The following PRKG1 variants were observed in gnomAD, a reference collection of about 807,000 sequenced individuals.
The protein encoded by PRKG1 is cGMP-dependent protein kinase 1.
Under a neutral mutation model 88.1 loss-of-function variants are expected in PRKG1, and 35 were observed. The observed-to-expected ratio is 0.40, with a 90% confidence interval of 0.30 to 0.53. The LOEUF (loss-of-function observed/expected upper bound fraction) is 0.53, where lower values mean the gene tolerates loss of function less well. Among genes scored for constraint, PRKG1 ranks in the 20% least tolerant of loss-of-function variants. PRKG1 has a pLI of 0.59. For synonymous variants in PRKG1, 303 were observed against 292.5 expected (o/e 1.04, Z -0.37); for missense variants, 540 against 839.8 (o/e 0.64, Z 4.41).
chr10:51,595,935 A>T (rs1024351870), intron 3 of PRKG1, among the ~76,000 whole-genome samples: 3 of 151,908 alleles, frequency 2.0e-5, no homozygotes, highest in Non-Finnish European at 4.4e-5. Context: ...GATTCAAGCG[A>T]TTCTCCTGCC....
chr10:51,480,705 A>G (rs1210305480), intron 3 of PRKG1, among the ~76,000 whole-genome samples: 1 of 152,190 alleles, frequency 6.6e-6, no homozygotes, highest in African/African-American at 2.4e-5. Context: ...TAATAACAGT[A>G]TTAAGCTCAT....
At chr10:52,192,303 T>C (rs1839386525) in intron 9 of PRKG1, among the ~76,000 whole-genome samples, 1 of 152,190 alleles carries the variant, frequency 6.6e-6, no homozygotes, top group Non-Finnish European at 1.5e-5. Context: ...CAGCCATTTC[T>C]CAAGTAACCC....
intron 2 of PRKG1, among the ~76,000 whole-genome samples, chr10:51,163,156 A>C (rs898403669): frequency 2.0e-5 from 3 of 152,150 alleles, no homozygotes; most frequent in Non-Finnish European, 4.4e-5. Context: ...CAGGAGTGAA[A>C]CTCTGTCTCA....
intron 2 of PRKG1, among the ~76,000 whole-genome samples, chr10:51,172,988 G>A (rs979682534): frequency 6.6e-6 from 1 of 152,042 alleles, no homozygotes; most frequent in Admixed American, 6.6e-5. Context: ...CAAATAATTA[G>A]CATTTGAATC....
chr10:52,129,945 T>C (rs1263170872), intron 7 of PRKG1, among the ~76,000 whole-genome samples: 1 of 152,118 alleles, frequency 6.6e-6, no homozygotes. Flanking sequence ...GAACATGACT[T>C]TAGGGACAGC....
chr10:51,913,381 A>G (rs974912925), intron 5 of PRKG1, among the ~76,000 whole-genome samples: 3 of 152,206 alleles, frequency 2.0e-5, no homozygotes, highest in Admixed American at 6.5e-5. Flanking sequence ...ATCCTCCTCT[A>G]GTAGTTCACA....
At chr10:52,058,679 A>G (rs1846166577) in intron 6 of PRKG1, among the ~76,000 whole-genome samples, 2 of 152,044 alleles carry the variant, frequency 1.3e-5, no homozygotes, top group African/African-American at 2.4e-5. Context: ...AAAATTGGTA[A>G]TAGATTTAAA....
At chr10:51,123,452 G>A (rs899511357) in intron 1 of PRKG1, among the ~76,000 whole-genome samples, 8 of 152,022 alleles carry the variant, frequency 5.3e-5, no homozygotes, top group African/African-American at 7.2e-5. Flanking sequence ...TTGAGAGGCC[G>A]AGGCAAATAG....
chr10:51,798,927 G>A (rs1194652204), intron 3 of PRKG1, among the ~76,000 whole-genome samples: 2 of 151,960 alleles, frequency 1.3e-5, no homozygotes, highest in Non-Finnish European at 2.9e-5. Context: ...TCACTCATAT[G>A]TCTAGGCTAG....
intron 9 of PRKG1, among the ~76,000 whole-genome samples, chr10:52,203,564 G>A (rs748848968): frequency 2.0e-5 from 3 of 152,156 alleles, no homozygotes; most frequent in East Asian, 1.9e-4. Flanking sequence ...TTCAGGTCCC[G>A]AATATCTTTG....
chr10:51,820,603 CTA>C (rs2132726729), intron 4 of PRKG1, among the ~76,000 whole-genome samples: 1 of 152,216 alleles, frequency 6.6e-6, no homozygotes, highest in Admixed American at 6.5e-5. Context: ...CATACCCTTG[CTA>C]TGGCTTCAGA....
chr10:51,144,293 A>G (rs1306676783), intron 1 of PRKG1, among the ~76,000 whole-genome samples: 7 of 152,124 alleles, frequency 4.6e-5, no homozygotes, highest in Non-Finnish European at 1.0e-4. Context: ...GAAATTAAAT[A>G]TTGTGGGCTT....
At chr10:51,915,581 A>G (rs1183952901) in intron 5 of PRKG1, among the ~76,000 whole-genome samples, 3 of 151,908 alleles carry the variant, frequency 2.0e-5, no homozygotes, top group Non-Finnish European at 2.9e-5. Context: ...AGTATGGAAG[A>G]TGGGGAGGAT....
intron 3 of PRKG1, among the ~76,000 whole-genome samples, chr10:51,803,942 AT>A (rs1209261998): frequency 6.6e-6 from 1 of 152,154 alleles, no homozygotes; most frequent in African/African-American, 2.4e-5. Context: ...GTTGTGGGGT[AT>A]TCAGCTTCAA....
At chr10:51,666,640 T>C (rs1413994112) in intron 3 of PRKG1, among the ~76,000 whole-genome samples, 1 of 152,200 alleles carries the variant, frequency 6.6e-6, no homozygotes, top group Non-Finnish European at 1.5e-5. Flanking sequence ...GCCAGAACAA[T>C]ACTTCATATC....
intron 9 of PRKG1, among the ~76,000 whole-genome samples, chr10:52,208,609 C>A (rs1386955137): frequency 6.6e-6 from 1 of 152,178 alleles, no homozygotes; most frequent in Non-Finnish European, 1.5e-5. Context: ...AGGACACTTA[C>A]ACGCCATTAA....
intron 3 of PRKG1, among the ~76,000 whole-genome samples, chr10:51,675,791 A>G (rs891502546): frequency 2.6e-5 from 4 of 152,198 alleles, no homozygotes; most frequent in Non-Finnish European, 4.4e-5. Flanking sequence ...TTAAGATTCT[A>G]TAGTTCTTGA....
intron 5 of PRKG1, among the ~76,000 whole-genome samples, chr10:51,934,334 G>A (rs1202514774): frequency 6.6e-6 from 1 of 151,558 alleles, no homozygotes; most frequent in African/African-American, 2.4e-5. Context: ...AGTGCAATGT[G>A]CATTAAGGAA....
intron 5 of PRKG1, among the ~76,000 whole-genome samples, chr10:51,986,202 A>G (rs1052750564): frequency 6.6e-6 from 1 of 152,224 alleles, no homozygotes; most frequent in African/African-American, 2.4e-5. Flanking sequence ...AATTGAAAAA[A>G]AATTAACGCT....
Sources: gnomAD v4.1 joint callset for allele counts (sites outside exome capture counted in the v4.1 genomes callset) on GRCh38, gnomAD v4.1.1 for gene constraint, MANE v1.5 for transcripts, NCBI Gene and HGNC (gene_info 2026-07-23, HGNC 2026-07-21) for gene names.